The following CD2 variants were observed in gnomAD, a reference collection of about 807,000 sequenced individuals.
The protein encoded by CD2 is T-cell surface antigen CD2.
In CD2, 18 loss-of-function variants were observed where a neutral mutation model predicts 23.2. That is an observed-to-expected ratio of 0.77 (90% CI 0.54 to 1.15). The LOEUF (loss-of-function observed/expected upper bound fraction) is 1.15, where lower values mean the gene tolerates loss of function less well. Ranked by LOEUF, CD2 falls within the 50% of genes most tolerant of loss-of-function variation. The pLI is 0.00. For missense variants in CD2, 424 were observed against 423.1 expected (o/e 1.00, Z -0.02); for synonymous variants, 162 against 151.9 (o/e 1.07, Z -0.49).
chr1:116,755,432 G>A (rs539691476), intron 2 of CD2, among the ~76,000 whole-genome samples: 1 of 152,202 alleles, frequency 6.6e-6, no homozygotes, highest in African/African-American at 2.4e-5. Context: ...ATTTAAGGAT[G>A]AACAGCCCTT....
At chr1:116,767,962 AG>A (rs1269282452) in intron 4 of CD2, among the ~76,000 whole-genome samples, 2 of 152,226 alleles carry the variant, frequency 1.3e-5, no homozygotes, top group South Asian at 2.1e-4. Context: ...AAGGACAAAA[AG>A]TTCCTTGCAT....
intron 3 of CD2, among the ~76,000 whole-genome samples, chr1:116,761,829 T>C (rs1446602601): frequency 6.6e-6 from 1 of 152,180 alleles, no homozygotes; most frequent in Admixed American, 6.5e-5. Flanking sequence ...TTGCCTCTCC[T>C]TGACTTCGCA....
Position 116,769,158 on chromosome 1 carries a change from G to C in CD2, c.*375G>C, listed in dbSNP as rs1048999222. 2 of 175,310 alleles carry C rather than the reference G, an allele frequency of 1.1e-5. No individual in the cohort carries two copies. The highest frequency in any genetic ancestry group is 4.8e-5 in the African/African-American group (2 of 42,092). 10.9% of individuals were successfully genotyped at this position (175,310 alleles called of 1,614,324 possible). A position where few individuals can be genotyped will look rare whatever the true frequency, so the allele number is the denominator to read the frequency against. On this transcript the variant is annotated 3_prime_UTR_variant, in exon 5 of 5. Coordinates refer to ENST00000369478, the MANE Select transcript of CD2 (RefSeq NM_001767.5). ...GCCTATCTGCTTAAGAGACTCTGGAGTTTCTTATGTGCCCTGGTGGACACT... is the reference window on the plus strand; with the variant it reads ...GCCTATCTGCTTAAGAGACTCTGGACTTTCTTATGTGCCCTGGTGGACACT...
intron 4 of CD2, among the ~76,000 whole-genome samples, chr1:116,765,250 C>T (rs986033196): frequency 1.3e-5 from 2 of 152,202 alleles, no homozygotes; most frequent in African/African-American, 4.8e-5. Context: ...GAATGGCCAA[C>T]CCGGGGTCAC....
intron 4 of CD2, among the ~76,000 whole-genome samples, chr1:116,767,260 T>C (rs1652243276): frequency 6.6e-6 from 1 of 152,156 alleles, no homozygotes; most frequent in Non-Finnish European, 1.5e-5. Flanking sequence ...TAGAGAGGGC[T>C]TGTGCTTCCC....
chr1:116,761,129 G>A (rs574008772), intron 3 of CD2, among the ~76,000 whole-genome samples: 22 of 152,282 alleles, frequency 1.4e-4, no homozygotes, highest in African/African-American at 5.3e-4. Flanking sequence ...AGAGGACTGT[G>A]GACAGCAAGG....
chr1:116,759,926 G>T (rs1335615631), intron 2 of CD2, among the ~76,000 whole-genome samples: 1 of 152,202 alleles, frequency 6.6e-6, no homozygotes, highest in African/African-American at 2.4e-5. Context: ...GATTCCTCCA[G>T]GATGGGGTTC....
At chr1:116,767,666 T>A (rs3181264) in intron 4 of CD2, among the ~76,000 whole-genome samples, 20,747 of 151,710 alleles carry the variant, frequency 0.14, 1,513 homozygotes, top group South Asian at 0.21. Flanking sequence ...CTGGAGCCAC[T>A]GCAAAGACGG....
Position 116,761,202 on chromosome 1 carries a change from C to T in CD2, c.613+570C>T, listed in dbSNP as rs533603030. Among the ~76,000 whole-genome samples, 198 of 152,298 alleles carry T rather than the reference C, an allele frequency of 1.3e-3. No homozygotes were observed. The Middle Eastern group carries it at 0.017, about 13-fold the overall frequency. On this transcript the variant is annotated intron_variant, in intron 3 of 4. Transcript: ENST00000369478. ...GGACTAGCTCCAGAAAATCTCAAAA[C>T]TCCAAGACCATAATGGATCCCCAGT...
intron 2 of CD2, among the ~76,000 whole-genome samples, chr1:116,760,035 A>G (rs1651990607): frequency 6.6e-6 from 1 of 152,156 alleles, no homozygotes; most frequent in Non-Finnish European, 1.5e-5. Flanking sequence ...GTGCCCCAAG[A>G]CCACCTACTG....
Position 116,754,740 on chromosome 1 carries a change from A to C in CD2, c.171A>C (p.Ile57=), listed in dbSNP as rs1476730348. 1.2e-6 allele frequency: 2 copies of C among 1,613,722 alleles called. No homozygotes were observed. The highest frequency in any genetic ancestry group is 1.7e-6 in the Non-Finnish European group (2 of 1,179,798). The change falls in exon 2 of 5, where the codon ATA becomes ATC. Residue 57 remains isoleucine (I), a synonymous_variant. Coordinates refer to ENST00000369478, the MANE Select transcript of CD2 (RefSeq NM_001767.5). ...AAATGAGTGATGATATTGACGATATAAAATGGGAAAAAACTTCAGACAAGA... is the reference window on the plus strand; with the variant it reads ...AAATGAGTGATGATATTGACGATATCAAATGGGAAAAAACTTCAGACAAGA... ...SFQMSDDIDD[I]KWEKTSDKKK...
chr1:116,759,876 G>A (rs759983728), intron 2 of CD2, among the ~76,000 whole-genome samples: 3 of 152,196 alleles, frequency 2.0e-5, no homozygotes, highest in Non-Finnish European at 4.4e-5. Context: ...CTTGGTGGGG[G>A]CAGAGGTATC....
At chr1:116,764,185 T>C (rs531440370) in intron 3 of CD2, among the ~76,000 whole-genome samples, 1 of 152,222 alleles carries the variant, frequency 6.6e-6, no homozygotes, top group African/African-American at 2.4e-5. Flanking sequence ...GGATCTAAAA[T>C]TTCGTGATGC....
chr1:116,767,591 CAAAAA>C (rs573721647), intron 4 of CD2, among the ~76,000 whole-genome samples: 1 of 71,798 alleles, frequency 1.4e-5, no homozygotes, highest in Non-Finnish European at 3.2e-5. Flanking sequence ...AACTTCAACT[CAAAAA>C]AAAAAAAAAA....
At chr1:116,762,365 A>T (rs1652081577) in intron 3 of CD2, among the ~76,000 whole-genome samples, 1 of 152,150 alleles carries the variant, frequency 6.6e-6, no homozygotes, top group East Asian at 1.9e-4. Flanking sequence ...GGAGAGAGGG[A>T]GGACCTTGGG....
chr1:116,755,659 G>A (rs1276406666), intron 2 of CD2, among the ~76,000 whole-genome samples: 1 of 152,112 alleles, frequency 6.6e-6, no homozygotes, highest in East Asian at 1.9e-4. Context: ...CATGCGGCCT[G>A]GGTATCATTA....
intron 4 of CD2, among the ~76,000 whole-genome samples, chr1:116,766,360 C>T (rs1033591640): frequency 6.6e-6 from 1 of 152,236 alleles, no homozygotes. Context: ...TGGCTACACC[C>T]CATTCCTCCT....
chr1:116,759,218 A>T (rs1334600007), intron 2 of CD2, among the ~76,000 whole-genome samples: 1 of 152,230 alleles, frequency 6.6e-6, no homozygotes, highest in Non-Finnish European at 1.5e-5. Flanking sequence ...TCTTGGGATG[A>T]GAAGAAAACT....
intron 3 of CD2, among the ~76,000 whole-genome samples, chr1:116,763,399 C>T (rs991787448): frequency 1.2e-4 from 18 of 152,250 alleles, no homozygotes; most frequent in Middle Eastern, 3.4e-3. Context: ...GGGCCAAGTT[C>T]CAGTTTGTTC....
Sources: allele counts gnomAD v4.1 joint callset (sites outside exome capture counted in the v4.1 genomes callset), GRCh38; gene constraint gnomAD v4.1.1; transcripts MANE v1.5; gene names NCBI Gene and HGNC (gene_info 2026-07-23, HGNC 2026-07-21).